The following SHANK2 variants were observed in gnomAD, a reference collection of about 807,000 sequenced individuals.
SHANK2 encodes SH3 and multiple ankyrin repeat domains protein 2.
In SHANK2, 43 loss-of-function variants were observed where a neutral mutation model predicts 133.7. The ratio of observed to expected loss-of-function variants is 0.32; its 90% confidence interval spans 0.25 to 0.41. The LOEUF (loss-of-function observed/expected upper bound fraction) is 0.41, where lower values mean the gene tolerates loss of function less well. Among genes scored for constraint, SHANK2 ranks in the 10% least tolerant of loss-of-function variants. The pLI is 1.00. For missense variants in SHANK2, 1,994 were observed against 2,235.8 expected, an observed-to-expected ratio of 0.89 and a Z score of 2.18; for synonymous variants, 1,017 against 952.8, an observed-to-expected ratio of 1.07 and a Z score of -1.24.
At chr11:70,661,550 CACACAA>C (rs782128332) in intron 16 of SHANK2, 40 bp downstream of exon 16, 12 of 1,111,294 alleles carry the variant, frequency 1.1e-5, no homozygotes, top group South Asian at 3.8e-5. Context: ...CACACACACA[CACACAA>C]ACATGGGAAC....
intron 25 of SHANK2, among the ~76,000 whole-genome samples, chr11:70,482,124 G>C (rs943454435): frequency 1.3e-5 from 2 of 152,270 alleles, no homozygotes; most frequent in Admixed American, 6.5e-5. Context: ...GCCTAGTTTA[G>C]TGCCTACAGT....
intron 10 of SHANK2, among the ~76,000 whole-genome samples, chr11:70,924,611 C>G (rs1950400878): frequency 6.6e-6 from 1 of 152,130 alleles, no homozygotes; most frequent in African/African-American, 2.4e-5. Flanking sequence ...CACCCGTGAC[C>G]ATGCCCGGCT....
chr11:70,713,162 C>T (rs569799831), intron 14 of SHANK2, among the ~76,000 whole-genome samples: 18 of 152,342 alleles, frequency 1.2e-4, no homozygotes, highest in African/African-American at 3.6e-4. Context: ...CACTCTGACA[C>T]CACACAAGGG....
chr11:70,913,113 T>A (rs1349428453), intron 10 of SHANK2, among the ~76,000 whole-genome samples: 1 of 150,604 alleles, frequency 6.6e-6, no homozygotes, highest in Non-Finnish European at 1.5e-5. Flanking sequence ...TACCCTCCCA[T>A]CCTCTCACAG....
intron 2 of SHANK2, among the ~76,000 whole-genome samples, chr11:71,173,308 A>G (rs1170964559): frequency 6.6e-6 from 1 of 152,198 alleles, no homozygotes; most frequent in Non-Finnish European, 1.5e-5. Flanking sequence ...TCACTGCTGG[A>G]AGGCGTCTGC....
At chr11:70,907,870 G>A (rs542871149) in intron 10 of SHANK2, 22 of 454,544 alleles carry the variant, frequency 4.8e-5, no homozygotes, top group South Asian at 2.0e-4. Context: ...CGGAGGTAGA[G>A]GCAGGCAGAT....
rs75383854 is a variant in SHANK2 at position 70,619,314 on chromosome 11, C to T, written c.2061+40514G>A. Among the ~76,000 whole-genome samples the T allele has an allele frequency of 4.5e-3, 692 of 152,308 alleles. 4 individuals are homozygous for T. The highest frequency in any genetic ancestry group is 0.016 in the African/African-American group (658 of 41,572). ...CGGCGTTGGCAGGGCTGGCTCCTTC[C>T]GAAAGCTCTCAGCGAGGGTCCTTTC... On this transcript the variant is annotated intron_variant, in intron 17 of 25. Coordinates refer to ENST00000601538, the MANE Select transcript of SHANK2 (RefSeq NM_012309.5).
intron 17 of SHANK2, among the ~76,000 whole-genome samples, chr11:70,597,852 G>A (rs950915544): frequency 2.0e-5 from 3 of 152,158 alleles, no homozygotes; most frequent in African/African-American, 4.8e-5. Context: ...GAGCCTGTGC[G>A]ACAAAGCAAG....
In SHANK2 at chr11:70,569,505, G is replaced by T. The variant is rs564730231; in HGVS notation, c.2062-66574C>A. Among the ~76,000 whole-genome samples, 22 of 152,278 alleles carry T rather than the reference G, an allele frequency of 1.4e-4. No homozygotes were observed. Among genetic ancestry groups the T allele is most frequent in the African/African-American group, 5.3e-4 (22 of 41,550 alleles). ...CAACGATGAGGCCCCAGGAAGAGAGGCATGGGTGGCGCTGCCGGCCGCTTC... is the reference window on the plus strand; with the variant it reads ...CAACGATGAGGCCCCAGGAAGAGAGTCATGGGTGGCGCTGCCGGCCGCTTC... On this transcript the variant is annotated intron_variant, in intron 17 of 25. Transcript: ENST00000601538. This position sits in a 1 kb window ranked among gnomAD's most constrained non-coding sequence, Gnocchi z 5.1.
In SHANK2 at chr11:70,549,819, G is replaced by A. The variant is rs560026711; in HGVS notation, c.2062-46888C>T. Among the ~76,000 whole-genome samples, 12 of 152,374 alleles carry A rather than the reference G, an allele frequency of 7.9e-5. No homozygotes were observed. In the South Asian group the frequency reaches 8.3e-4, roughly 11 times the overall value. On this transcript the variant is annotated intron_variant, in intron 17 of 25. Transcript: ENST00000601538. ...GAGGAAACAGAGCTGCATTTTAGGC[G>A]TGATTCTCACCATACCTCCATGTTT...
chr11:71,205,341 C>G (rs1409607217), intron 2 of SHANK2, among the ~76,000 whole-genome samples: 1 of 152,186 alleles, frequency 6.6e-6, no homozygotes. Flanking sequence ...AGGGTACTGA[C>G]CAGCACCACC....
chr11:71,243,255 AG>A (rs1165170924), intron 1 of SHANK2, among the ~76,000 whole-genome samples: 2 of 152,252 alleles, frequency 1.3e-5, no homozygotes, highest in East Asian at 3.8e-4. Context: ...AAAGCAATAA[AG>A]AAAATCAATG....
rs569161553 is a variant in SHANK2 at position 70,743,691 on chromosome 11, C to T, written c.1778-44928G>A. 3.4e-4 allele frequency among the ~76,000 whole-genome samples: 52 copies of T among 152,290 alleles called. 1 individual carries two copies. The highest frequency in any genetic ancestry group is 2.0e-3 in the Admixed American group (31 of 15,306). ...CACAGAGGGGCCGGGAGAGCCCCCA[C>T]GGGAAGTTGCTCCATGTCCCCCTCA... On this transcript the variant is annotated intron_variant, in intron 14 of 25. Transcript: ENST00000601538.
chr11:70,788,354 T>C (rs935202317), intron 14 of SHANK2, among the ~76,000 whole-genome samples: 2 of 152,214 alleles, frequency 1.3e-5, no homozygotes, highest in Admixed American at 1.3e-4. Context: ...CACGGTCAAC[T>C]GAAGTCTGAA....
chr11:70,658,264 GACACACACACACACACAGACAC>G (rs2061435413), intron 17 of SHANK2, among the ~76,000 whole-genome samples: 3 of 99,308 alleles, frequency 3.0e-5, no homozygotes, highest in East Asian at 3.0e-4. Flanking sequence ...CACACACACA[GACACACACACACACACAGACAC>G]ACACACACAC....
At chr11:70,590,846 A>C (rs1191003687) in intron 17 of SHANK2, among the ~76,000 whole-genome samples, 2 of 152,160 alleles carry the variant, frequency 1.3e-5, no homozygotes, top group Non-Finnish European at 2.9e-5. Flanking sequence ...GAACCCACAA[A>C]TATCCCCAGG....
At chr11:70,559,243 C>T (rs147446052) in intron 17 of SHANK2, among the ~76,000 whole-genome samples, 32,212 of 152,138 alleles carry the variant, frequency 0.21, 3,721 homozygotes, top group Admixed American at 0.28. Context: ...TGGTCTTGAA[C>T]TCCTGACCTC....
At chr11:71,238,520 G>A (rs1192652778) in intron 1 of SHANK2, among the ~76,000 whole-genome samples, 1 of 152,196 alleles carries the variant, frequency 6.6e-6, no homozygotes, top group Non-Finnish European at 1.5e-5. Flanking sequence ...GCTCTGCACC[G>A]CAACGTACCA....
intron 17 of SHANK2, among the ~76,000 whole-genome samples, chr11:70,595,011 G>A (rs1554989111): frequency 6.6e-6 from 1 of 152,186 alleles, no homozygotes; most frequent in Non-Finnish European, 1.5e-5. Flanking sequence ...GTCTCTCTGA[G>A]CCCATTTCCT....
Sources: allele counts gnomAD v4.1 joint callset (sites outside exome capture counted in the v4.1 genomes callset), GRCh38; gene constraint gnomAD v4.1.1; non-coding constraint Gnocchi (gnomAD v3.1); transcripts MANE v1.5; gene names NCBI Gene and HGNC (gene_info 2026-07-23, HGNC 2026-07-21).